Variants in IKBKE observed in about 807,000 individuals in gnomAD.
IKBKE encodes inhibitor of nuclear factor kappa B kinase subunit epsilon.
In IKBKE, 45 loss-of-function variants were observed where a neutral mutation model predicts 92.1. That is an observed-to-expected ratio of 0.49 (90% CI 0.38 to 0.63). IKBKE has a LOEUF of 0.63. Ranked by LOEUF, IKBKE falls within the 20% of genes least tolerant of loss-of-function variation. The pLI, the probability that IKBKE is intolerant of heterozygous loss-of-function variation, is 0.00. For synonymous variants in IKBKE, 374 were observed against 380.3 expected (o/e 0.98, Z 0.19); for missense variants, 700 against 932.8 (o/e 0.75, Z 3.25).
rs923338836 is a variant in IKBKE at position 206,478,376 on chromosome 1, T to C, written c.992+37T>C. On this transcript the variant is annotated intron_variant, in intron 9 of 21. Transcript: ENST00000581977. This position sits in a 1 kb window ranked among gnomAD's most constrained non-coding sequence, Gnocchi z 4.8. ...CGAGGGAGGGAAGCGGTGAGAACCT[T>C]CTCTACCCAAGCAGCAGTGCATGTC... 6.3e-7 allele frequency: 1 copy of C among 1,596,262 alleles called. No homozygotes were observed. Among genetic ancestry groups the C allele is most frequent in the African/African-American group, 1.3e-5 (1 of 74,722 alleles).
intron 5 of IKBKE, 142 bp downstream of exon 5, chr1:206,475,136 C>A (rs1664990707): frequency 1.2e-6 from 1 of 838,604 alleles, no homozygotes; most frequent in Non-Finnish European, 1.8e-6. Flanking sequence ...AAAGATTGTA[C>A]ACCAATGTTC....
chr1:206,489,489 G>A (rs947962640), intron 16 of IKBKE, among the ~76,000 whole-genome samples: 1 of 150,792 alleles, frequency 6.6e-6, no homozygotes, highest in Non-Finnish European at 1.5e-5. Context: ...GATCACTTGG[G>A]CCCAGGAGTT....
intron 18 of IKBKE, chr1:206,492,333 C>A: frequency 2.4e-6 from 1 of 416,240 alleles, no homozygotes; most frequent in Admixed American, 2.7e-5. Flanking sequence ...CTGGCCCCTC[C>A]TGAGAAGAGA....
Position 206,493,306 on chromosome 1 carries a change from C to G in IKBKE, c.1973C>G (p.Ala658Gly). ...TCTCACCAGCTCCTTCAGGACCGAG[C>G]AAAGGGGGCTCAGGCCTCGCCGCCT... Reference protein sequence around the residue: ...ELSHQLLQDRAKGAQASPPPI... With the variant: ...ELSHQLLQDRGKGAQASPPPI... The change falls in exon 20 of 22, where the codon GCA becomes GGA. Residue 658 changes from alanine to glycine, a missense_variant. Transcript: ENST00000581977. The G allele has an allele frequency of 6.2e-7, 1 of 1,614,100 alleles. No individual in the cohort carries two copies. The highest frequency in any genetic ancestry group is 8.5e-7 in the Non-Finnish European group (1 of 1,180,016).
chr1:206,474,919 C>A lies in IKBKE; in HGVS notation c.283C>A (p.Leu95Met), dbSNP rs1396790508. Residue 95 changes from leucine (L) to methionine (M), a missense_variant, in exon 5 of 22, where the codon CTG becomes ATG. Transcript: ENST00000581977. ...GGAGTACTGCTCCAGTGGGAGCCTG[C>A]TGAGTGTGCTGGAGAGCCCTGAGAA... ...VMEYCSSGSL[L>M]SVLESPENAF... 1 of 1,614,098 alleles carries A rather than the reference C, an allele frequency of 6.2e-7. No individual in the cohort carries two copies. The highest frequency in any genetic ancestry group is 1.3e-5 in the African/African-American group (1 of 75,028).
chr1:206,478,884 C>G lies in IKBKE; in HGVS notation c.993-59C>G. 7.6e-7 allele frequency: 1 copy of G among 1,308,828 alleles called. No individual in the cohort carries two copies. 81.1% of individuals were successfully genotyped at this position (1,308,828 alleles called of 1,614,324 possible). A position where few individuals can be genotyped will look rare whatever the true frequency, so the allele number is the denominator to read the frequency against. The stretch of plus-strand genomic sequence containing the variant: ...TTAGCTGGGGCTTAGGTCACCCTAG[C>G]CCCCTGCCTTGCCTACTGACACCCC... On this transcript the variant is annotated intron_variant, in intron 9 of 21. Coordinates refer to ENST00000581977, the MANE Select transcript of IKBKE (RefSeq NM_014002.4). The surrounding 1 kb of genome is among the most constrained non-coding windows in gnomAD (Gnocchi z 4.8).
chr1:206,486,943 A>G (rs1385782200), intron 15 of IKBKE, among the ~76,000 whole-genome samples: 1 of 113,928 alleles, frequency 8.8e-6, no homozygotes. Context: ...GGCCCCATCC[A>G]TTTGGATGAA....
chr1:206,478,133 G>A lies in IKBKE; in HGVS notation c.813-27G>A, dbSNP rs1553385933. The A allele has an allele frequency of 1.3e-5, 21 of 1,608,124 alleles. No individual in the cohort carries two copies. Among genetic ancestry groups the A allele is most frequent in the Non-Finnish European group, 1.8e-5 (21 of 1,177,310 alleles). On this transcript the variant is annotated intron_variant, in intron 8 of 21. Transcript: ENST00000581977. This position sits in a 1 kb window ranked among gnomAD's most constrained non-coding sequence, Gnocchi z 4.8. ...AGGATAGGTCTGGGCCCCCACCCCTGACAGTCTCCATGTCCTGGGAGGGCA... is the reference window on the plus strand; with the variant it reads ...AGGATAGGTCTGGGCCCCCACCCCTAACAGTCTCCATGTCCTGGGAGGGCA...
intron 18 of IKBKE, 80 bp from the exon 19 acceptor site, chr1:206,492,943 G>A (rs1553390984): frequency 1.6e-6 from 2 of 1,231,150 alleles, no homozygotes; most frequent in Non-Finnish European, 2.3e-6. Flanking sequence ...GTCCATGTGT[G>A]GATCCGATGG....
At chr1:206,473,887 G>A (rs868931916) in intron 3 of IKBKE, among the ~76,000 whole-genome samples, 1 of 150,808 alleles carries the variant, frequency 6.6e-6, no homozygotes, top group Middle Eastern at 3.4e-3. Context: ...CTTGAACCTG[G>A]GAGGCAGAGG....
intron 20 of IKBKE, among the ~76,000 whole-genome samples, chr1:206,493,610 G>A (rs764653653): frequency 3.0e-4 from 46 of 152,214 alleles, no homozygotes; most frequent in Non-Finnish European, 6.6e-4. Flanking sequence ...CAAACATGGT[G>A]AAACCCCATC....
chr1:206,493,324 C>T lies in IKBKE; in HGVS notation c.1991C>T (p.Ser664Leu), dbSNP rs782804652. 2.5e-6 allele frequency: 4 copies of T among 1,613,920 alleles called. No homozygotes were observed. Among genetic ancestry groups the T allele is most frequent in the East Asian group, 2.2e-5 (1 of 44,890 alleles). ...LQDRAKGAQA[S>L]PPPIAPYPSP... ...GACCGAGCAAAGGGGGCTCAGGCCT[C>T]GCCGCCTCCCATAGCTCCTTACCCC... The change falls in exon 20 of 22, where the codon TCG (serine) becomes TTG (leucine). Residue 664 changes from serine (S) to leucine (L), a missense_variant. Ser to Leu is a moderately radical substitution (Grantham distance 145). Coordinates refer to ENST00000581977, the MANE Select transcript of IKBKE (RefSeq NM_014002.4).
rs1665921500 is a variant in IKBKE, at chr1:206,490,946, T to C, written c.1733+88T>C. 2.5e-6 allele frequency: 3 copies of C among 1,223,448 alleles called. No homozygotes were observed. Among genetic ancestry groups the C allele is most frequent in the African/African-American group, 1.5e-5 (1 of 67,516 alleles). The allele number at this position is 1,223,448 out of a possible 1,614,324, so 75.8% of individuals were successfully genotyped here. A position where few individuals can be genotyped will look rare whatever the true frequency, so the allele number is the denominator to read the frequency against. ...ATTCTCAACGCCAGAGGAGAGGCAG[T>C]GAAGGGCCCTGTCCCGGACTGCAGC... is the stretch of plus-strand genomic sequence containing the variant. On this transcript the variant is annotated intron_variant, in intron 17 of 21. Coordinates refer to ENST00000581977, the MANE Select transcript of IKBKE (RefSeq NM_014002.4). This position sits in a 1 kb window ranked among gnomAD's most constrained non-coding sequence, Gnocchi z 5.2.
rs1342356050 is a variant in IKBKE at position 206,490,249 on chromosome 1, C to A, written c.1694-570C>A. Among the ~76,000 whole-genome samples the A allele has an allele frequency of 6.6e-6, 1 of 152,160 alleles. No individual in the cohort carries two copies. The highest frequency in any genetic ancestry group is 1.5e-5 in the Non-Finnish European group (1 of 68,026). On this transcript the variant is annotated intron_variant, in intron 16 of 21. Coordinates refer to ENST00000581977, the MANE Select transcript of IKBKE (RefSeq NM_014002.4). This position sits in a 1 kb window ranked among gnomAD's most constrained non-coding sequence, Gnocchi z 5.2. ...CCGCCACCCTGGAGGCCCATTCCTG[C>A]GAAGACCAGGAGGGGGCAGCATCTC... is the stretch of plus-strand genomic sequence containing the variant.
chr1:206,478,940 T>C lies in IKBKE; in HGVS notation c.993-3T>C. On this transcript the variant is annotated splice_polypyrimidine_tract_variant and splice_region_variant and intron_variant, in intron 9 of 21. Coordinates refer to ENST00000581977, the MANE Select transcript of IKBKE (RefSeq NM_014002.4). This position sits in a 1 kb window ranked among gnomAD's most constrained non-coding sequence, Gnocchi z 4.8. The stretch of plus-strand genomic sequence containing the variant: ...CTCTGCTCCCCACCACGGCTGTGTC[T>C]AGGATAGCCATTTTCCAGGAGGCCG... The C allele has an allele frequency of 6.2e-7, 1 of 1,613,896 alleles. No individual in the cohort carries two copies. The highest frequency in any genetic ancestry group is 2.2e-5 in the East Asian group (1 of 44,876).
At chr1:206,480,338 G>C (rs1665314229) in intron 12 of IKBKE, 109 bp from the exon 13 acceptor site, 1 of 953,616 alleles carries the variant, frequency 1.0e-6, no homozygotes, top group Non-Finnish European at 1.6e-6. Context: ...AGGCAGGCCA[G>C]AGGGGGAGGC....
In IKBKE at chr1:206,487,961, A is replaced by G. The variant is rs782377287; in HGVS notation, c.1664A>G (p.Lys555Arg). Residue 555 changes from lysine to arginine, a missense_variant, in exon 16 of 22, where the codon AAA becomes AGA. Coordinates refer to ENST00000581977, the MANE Select transcript of IKBKE (RefSeq NM_014002.4). This position sits in a 1 kb window ranked among gnomAD's most constrained non-coding sequence, Gnocchi z 5.3. ...CCLDKMNFIY[K>R]QFKKSRMRPG... ...TTGGACAAGATGAACTTCATCTACAAACAGTTCAAGAAGTCTAGGATGAGG... is the reference window on the plus strand; with the variant it reads ...TTGGACAAGATGAACTTCATCTACAGACAGTTCAAGAAGTCTAGGATGAGG... The G allele has an allele frequency of 1.2e-5, 19 of 1,613,692 alleles. No individual in the cohort carries two copies. The highest frequency in any genetic ancestry group is 3.4e-6 in the Non-Finnish European group (4 of 1,179,880).
intron 13 of IKBKE, 47 bp downstream of exon 13, chr1:206,480,580 T>A: frequency 7.4e-7 from 1 of 1,357,404 alleles, no homozygotes; most frequent in South Asian, 1.2e-5. Flanking sequence ...CCCTGCCTTG[T>A]CTGCTCCTCA....
chr1:206,488,368 G>A lies in IKBKE; in HGVS notation c.1693+378G>A, dbSNP rs542535508. On this transcript the variant is annotated intron_variant, in intron 16 of 21. Coordinates refer to ENST00000581977, the MANE Select transcript of IKBKE (RefSeq NM_014002.4). ...TTTAAAGTATAGAATGTCACTATCCGTTGTGTCCTTGGGACACTGAGACAG... is the reference window on the plus strand; with the variant it reads ...TTTAAAGTATAGAATGTCACTATCCATTGTGTCCTTGGGACACTGAGACAG... Among the ~76,000 whole-genome samples the A allele has an allele frequency of 7.9e-5, 12 of 152,328 alleles. No homozygotes were observed. The South Asian group carries it at 8.3e-4, about 11-fold the overall frequency.
Sources: gnomAD v4.1 joint callset for allele counts (sites outside exome capture counted in the v4.1 genomes callset) on GRCh38, gnomAD v4.1.1 for gene constraint, Gnocchi (gnomAD v3.1) non-coding constraint, MANE v1.5 for transcripts, NCBI Gene and HGNC (gene_info 2026-07-23, HGNC 2026-07-21) for gene names.